The following BNC2 variants were observed in gnomAD, a reference collection of about 807,000 sequenced individuals.
BNC2 encodes basonuclin zinc finger protein 2, also known as zinc finger protein basonuclin-2.
In BNC2, 20 loss-of-function variants were observed where a neutral mutation model predicts 76.3. The observed-to-expected ratio is 0.26, with a 90% CI of 0.18 to 0.38. The LOEUF (loss-of-function observed/expected upper bound fraction) is 0.38. Among genes scored for constraint, BNC2 ranks in the 10% least tolerant of loss-of-function variants. The pLI is 1.00. For synonymous variants in BNC2, 582 were observed against 514.8 expected, an observed-to-expected ratio of 1.13 and a Z score of -1.77; for missense variants, 1,382 against 1,399.8, an observed-to-expected ratio of 0.99 and a Z score of 0.20.
rs949539536 is a variant in BNC2 at position 16,647,983 on chromosome 9, T to C, written c.331-64898A>G. Among the ~76,000 whole-genome samples the C allele has an allele frequency of 2.6e-5, 4 of 152,154 alleles. No homozygotes were observed. In the East Asian group the frequency reaches 7.7e-4, roughly 29 times the overall value. On this transcript the variant is annotated intron_variant, in intron 3 of 6. Transcript: ENST00000380672. The stretch of plus-strand genomic sequence containing the variant: ...CCAGAAAAAATTAAGTGACAGAAAC[T>C]AAATACTAAAAGGCAATCACTGTAA...
At chr9:16,868,700 A>C (rs573030397) in intron 1 of BNC2, among the ~76,000 whole-genome samples, 1 of 152,270 alleles carries the variant, frequency 6.6e-6, no homozygotes, top group South Asian at 2.1e-4. Flanking sequence ...AATACAGCGC[A>C]CTCTGGGAAC....
chr9:16,743,984 G>GTTT (rs71327850), intron 1 of BNC2, among the ~76,000 whole-genome samples: 2 of 151,712 alleles, frequency 1.3e-5, no homozygotes, highest in African/African-American at 2.4e-5. Context: ...TTGTTTGTTT[G>GTTT]GAGACGGAGT....
intron 5 of BNC2, among the ~76,000 whole-genome samples, chr9:16,480,326 T>A (rs769873097): frequency 6.6e-6 from 1 of 152,206 alleles, no homozygotes; most frequent in Non-Finnish European, 1.5e-5. Flanking sequence ...TACCATCCCA[T>A]TGAGAGGTGA....
chr9:16,531,589 C>CA (rs980961692), intron 5 of BNC2, among the ~76,000 whole-genome samples: 25 of 149,324 alleles, frequency 1.7e-4, no homozygotes, highest in South Asian at 8.5e-4. Flanking sequence ...AACAAACAAA[C>CA]AAAAAAAAAG....
chr9:16,548,212 G>A (rs992512723), intron 5 of BNC2, among the ~76,000 whole-genome samples: 1 of 152,116 alleles, frequency 6.6e-6, no homozygotes, highest in African/African-American at 2.4e-5. Context: ...CAAACTGAAA[G>A]AGACTATAAA....
chr9:16,603,592 A>G (rs1281638994), intron 3 of BNC2, among the ~76,000 whole-genome samples: 1 of 152,204 alleles, frequency 6.6e-6, no homozygotes, highest in Non-Finnish European at 1.5e-5. Context: ...CTCAAATGCC[A>G]TAATAAAGAC....
Position 16,436,165 on chromosome 9 carries a change from G to C in BNC2, c.2029C>G (p.His677Asp). 1.2e-6 allele frequency: 2 copies of C among 1,614,146 alleles called. No individual in the cohort carries two copies. Among genetic ancestry groups the C allele is most frequent in the South Asian group, 2.2e-5 (2 of 91,084 alleles). Reference sequence around the variant, plus strand: ...CCTGGGCTCATCTCCTCTTGGGAGTGACAATGATTGTCATGGCTCATGTCA... The same window carrying C: ...CCTGGGCTCATCTCCTCTTGGGAGTCACAATGATTGTCATGGCTCATGTCA... The part of the protein sequence containing the change: ...VNDMSHDNHC[H>D]SQEEMSPGMS... Residue 677 changes from histidine to aspartate, a missense_variant, in exon 6 of 7, where the codon CAC becomes GAC. By Grantham distance (81) the His-to-Asp change is moderately conservative (BLOSUM62 -1). Around this residue, in one of 3 missense-constraint regions of BNC2, gnomAD observed 798 missense variants for 775.5 expected, o/e 1.03. Transcript: ENST00000380672.
intron 5 of BNC2, among the ~76,000 whole-genome samples, chr9:16,480,757 C>A (rs1351149486): frequency 6.6e-6 from 1 of 152,218 alleles, no homozygotes. Flanking sequence ...GGGCAGGGCT[C>A]GGGACCTGCA....
At chr9:16,529,703 T>A (rs1448768265) in intron 5 of BNC2, among the ~76,000 whole-genome samples, 1 of 152,182 alleles carries the variant, frequency 6.6e-6, no homozygotes, top group East Asian at 1.9e-4. Flanking sequence ...TTGAGTATGC[T>A]ATTCATTAAA....
At chr9:16,454,574 G>C (rs188531377) in intron 5 of BNC2, among the ~76,000 whole-genome samples, 2 of 152,198 alleles carry the variant, frequency 1.3e-5, no homozygotes, top group Admixed American at 6.5e-5. Context: ...AAAGTGCTGG[G>C]ATTACAGGCG....
intron 3 of BNC2, among the ~76,000 whole-genome samples, chr9:16,586,373 G>A (rs907738642): frequency 6.6e-6 from 1 of 152,140 alleles, no homozygotes; most frequent in Non-Finnish European, 1.5e-5. Context: ...CCAGCAACCA[G>A]TGCTCCCACT....
intron 5 of BNC2, among the ~76,000 whole-genome samples, chr9:16,499,585 A>C (rs1318868087): frequency 7.0e-6 from 1 of 143,098 alleles, no homozygotes. Context: ...GCTGGAGTGC[A>C]ATGGCACAAT....
chr9:16,666,564 G>C (rs1486445729), intron 3 of BNC2, among the ~76,000 whole-genome samples: 16 of 152,148 alleles, frequency 1.1e-4, no homozygotes, highest in African/African-American at 3.9e-4. Flanking sequence ...CAACATCTAA[G>C]CTATCTTGGC....
At position 16,418,692 on chromosome 9, in the gene BNC2, A is replaced by C; in HGVS notation, c.*297T>G. On this transcript the variant is annotated 3_prime_UTR_variant, in exon 7 of 7. Coordinates refer to ENST00000380672, the MANE Select transcript of BNC2 (RefSeq NM_017637.6). ...TGTGTGTGTGTGTGTGTGTGTGTGT[A>C]TGTGCATGTGTGTGTGTGTGTGTTT... The C allele has an allele frequency of 6.9e-6, 2 of 290,262 alleles. No individual in the cohort carries two copies. The highest frequency in any genetic ancestry group is 6.1e-6 in the Non-Finnish European group (1 of 162,732). The allele number at this position is 290,262 out of a possible 1,614,324, so 18.0% of individuals were successfully genotyped here.
chr9:16,737,345 A>G (rs10756797), intron 2 of BNC2, among the ~76,000 whole-genome samples: 134,464 of 148,702 alleles, frequency 0.9, 60,798 homozygotes, highest in Non-Finnish European at 0.92. Context: ...CCGCCTCCCA[A>G]GCTCACACCA....
intron 5 of BNC2, among the ~76,000 whole-genome samples, chr9:16,527,134 G>T (rs1817830200): frequency 6.6e-6 from 1 of 152,204 alleles, no homozygotes; most frequent in African/African-American, 2.4e-5. Flanking sequence ...AAAGGACAAG[G>T]ACTGGGGGGC....
At chr9:16,736,681 G>A (rs1174488122) in intron 2 of BNC2, among the ~76,000 whole-genome samples, 2 of 151,480 alleles carry the variant, frequency 1.3e-5, no homozygotes, top group African/African-American at 4.9e-5. Flanking sequence ...TCAACATGTT[G>A]GTCAGGCTGG....
intron 3 of BNC2, among the ~76,000 whole-genome samples, chr9:16,585,933 T>C (rs1033841665): frequency 6.6e-6 from 1 of 152,028 alleles, no homozygotes; most frequent in African/African-American, 2.4e-5. Flanking sequence ...AAAATGCAGG[T>C]ATGCAGAAAG....
At chr9:16,443,357 C>A (rs1478415098) in intron 5 of BNC2, among the ~76,000 whole-genome samples, 2 of 152,032 alleles carry the variant, frequency 1.3e-5, no homozygotes, top group African/African-American at 4.8e-5. Context: ...TTCATCATAA[C>A]CACATTGGCA....
Sources: gnomAD v4.1 joint callset for allele counts (sites outside exome capture counted in the v4.1 genomes callset) on GRCh38, gnomAD v4.1.1 for gene constraint, gnomAD v4.1.1 regional missense constraint, MANE v1.5 for transcripts, NCBI Gene and HGNC (gene_info 2026-07-23, HGNC 2026-07-21) for gene names.